The following DIP2B variants were observed in gnomAD, a reference collection of about 807,000 sequenced individuals.
The protein encoded by DIP2B is DIP2 acetate--CoA ligase B (putative), also known as disco-interacting protein 2 homolog B.
A neutral mutation model predicts 198.0 loss-of-function variants in DIP2B; 76 were observed. The ratio of observed to expected loss-of-function variants is 0.38; its 90% CI spans 0.32 to 0.46. The LOEUF is 0.46. DIP2B is among the 20% of genes least tolerant of loss of function. The pLI is 0.99. For missense variants in DIP2B, 1,559 were observed against 1,978.4 expected, an observed-to-expected ratio of 0.79 and a Z score of 4.02; for synonymous variants, 701 against 739.1, an observed-to-expected ratio of 0.95 and a Z score of 0.84.
At chr12:50,604,186 A>G (rs1196674914) in intron 1 of DIP2B, among the ~76,000 whole-genome samples, 1 of 152,028 alleles carries the variant, frequency 6.6e-6, no homozygotes, top group Non-Finnish European at 1.5e-5. Flanking sequence ...TTTACTCTGA[A>G]TCCTTTAAAT....
intron 1 of DIP2B, among the ~76,000 whole-genome samples, chr12:50,571,233 ACGAT>A (rs1025750923): frequency 9.0e-5 from 13 of 144,208 alleles, no homozygotes; most frequent in African/African-American, 3.4e-4. Flanking sequence ...GTGCTGTGGC[ACGAT>A]CTCGGTTCAC....
intron 5 of DIP2B, 94 bp from the exon 6 acceptor site, chr12:50,674,380 A>G: frequency 1.5e-6 from 2 of 1,374,172 alleles, no homozygotes; most frequent in Non-Finnish European, 2.0e-6. Context: ...CCATTTATGT[A>G]CTTTTCTTCC....
At chr12:50,522,419 C>T (rs1366728271) in intron 1 of DIP2B, among the ~76,000 whole-genome samples, 1 of 152,156 alleles carries the variant, frequency 6.6e-6, no homozygotes, top group African/African-American at 2.4e-5. Flanking sequence ...GGGTACAAGA[C>T]GGGAACCAGC....
intron 1 of DIP2B, among the ~76,000 whole-genome samples, chr12:50,555,739 C>A (rs1327324832): frequency 6.6e-6 from 1 of 152,018 alleles, no homozygotes; most frequent in African/African-American, 2.4e-5. Context: ...TGTTTCCTTT[C>A]ACCCCATGCT....
intron 1 of DIP2B, among the ~76,000 whole-genome samples, chr12:50,549,347 G>A (rs911687213): frequency 2.0e-5 from 3 of 152,032 alleles, no homozygotes; most frequent in African/African-American, 7.2e-5. Context: ...TGACTAACAC[G>A]GTGAAACCCT....
chr12:50,718,378 A>T (rs1939772967), intron 23 of DIP2B, among the ~76,000 whole-genome samples: 1 of 152,202 alleles, frequency 6.6e-6, no homozygotes, highest in African/African-American at 2.4e-5. Flanking sequence ...TCACCTCCTC[A>T]GAGTGAAAAA....
At chr12:50,579,580 C>G (rs2139417322) in intron 1 of DIP2B, among the ~76,000 whole-genome samples, 1 of 130,260 alleles carries the variant, frequency 7.7e-6, no homozygotes, top group Admixed American at 8.5e-5. Context: ...GCACTGTACT[C>G]CAGCCTGGGT....
intron 37 of DIP2B, chr12:50,743,462 G>A (rs1280844544): frequency 6.6e-6 from 1 of 152,214 alleles, no homozygotes; most frequent in East Asian, 1.9e-4. Flanking sequence ...TCGGTGGAAA[G>A]TGGCTTATGG....
At chr12:50,713,714 T>G (rs1333252665) in intron 22 of DIP2B, among the ~76,000 whole-genome samples, 1 of 152,210 alleles carries the variant, frequency 6.6e-6, no homozygotes, top group Non-Finnish European at 1.5e-5. Flanking sequence ...TAGGCTTTGT[T>G]GGCTGATAGC....
At chr12:50,704,004 CTAAA>C (rs779644879) in intron 19 of DIP2B, 132 bp from the exon 20 acceptor site, 9 of 619,128 alleles carry the variant, frequency 1.5e-5, no homozygotes, top group Non-Finnish European at 1.9e-5. Flanking sequence ...TTTCTTATCT[CTAAA>C]GGGATGGAAT....
intron 21 of DIP2B, among the ~76,000 whole-genome samples, chr12:50,707,759 G>C (rs1317625290): frequency 1.3e-5 from 2 of 152,012 alleles, no homozygotes; most frequent in Non-Finnish European, 2.9e-5. Flanking sequence ...GAGGTGTCCT[G>C]GGAGTGCCTC....
chr12:50,539,485 GCAGGCGCCTGTAATCC>G (rs1958300241), intron 1 of DIP2B, among the ~76,000 whole-genome samples: 1 of 151,940 alleles, frequency 6.6e-6, no homozygotes, highest in Admixed American at 6.6e-5. Context: ...GAGCGTAGTG[GCAGGCGCCTGTAATCC>G]CAGCTACTCA....
At chr12:50,742,394 CAAAAAAAAAAAAAAA>C (rs59566626) in intron 37 of DIP2B, among the ~76,000 whole-genome samples, 1 of 47,494 alleles carries the variant, frequency 2.1e-5, no homozygotes, top group African/African-American at 1.1e-4. Context: ...GAGACTGTCT[CAAAAAAAAAAAAAAA>C]AAAAAAAAAA....
At chr12:50,554,601 C>T (rs547644169) in intron 1 of DIP2B, among the ~76,000 whole-genome samples, 2 of 152,024 alleles carry the variant, frequency 1.3e-5, no homozygotes, top group Non-Finnish European at 2.9e-5. Flanking sequence ...TCACTGGGTG[C>T]GTGGCATGGC....
intron 3 of DIP2B, among the ~76,000 whole-genome samples, chr12:50,641,925 GTCT>G (rs1362238769): frequency 6.6e-6 from 1 of 152,084 alleles, no homozygotes; most frequent in East Asian, 1.9e-4. Context: ...TCAGATTTTT[GTCT>G]TCTTTGTACT....
chr12:50,571,008 G>A (rs937143268), intron 1 of DIP2B, among the ~76,000 whole-genome samples: 1 of 152,030 alleles, frequency 6.6e-6, no homozygotes, highest in Non-Finnish European at 1.5e-5. Flanking sequence ...GTCTAATCAA[G>A]AACCAATTTG....
At chr12:50,560,750 CAAAAA>C (rs768843010) in intron 1 of DIP2B, among the ~76,000 whole-genome samples, 1 of 149,416 alleles carries the variant, frequency 6.7e-6, no homozygotes, top group South Asian at 2.1e-4. Flanking sequence ...GACCCTGTCT[CAAAAA>C]AAAATAAATA....
chr12:50,533,761 A>T (rs945670651), intron 1 of DIP2B, among the ~76,000 whole-genome samples: 1 of 151,894 alleles, frequency 6.6e-6, no homozygotes, highest in Non-Finnish European at 1.5e-5. Flanking sequence ...GCTAATTTTT[A>T]AATTTTTTTA....
At position 50,684,929 on chromosome 12, in the gene DIP2B, TA is replaced by T. The variant is rs11288496; in HGVS notation, c.1318-899del. ...CAACATGACGAAACCCTGTCTCTAC[TA>T]AAAATACAAAAATTAGCCAGGCATG... On this transcript the variant is annotated intron_variant, in intron 10 of 37. Transcript: ENST00000301180. 7.1e-3 allele frequency among the ~76,000 whole-genome samples: 1,077 copies of T among 152,054 alleles called. 16 individuals carry two copies. The highest frequency in any genetic ancestry group is 0.025 in the African/African-American group (1,038 of 41,486).
Sources: allele counts gnomAD v4.1 joint callset (sites outside exome capture counted in the v4.1 genomes callset), GRCh38; gene constraint gnomAD v4.1.1; transcripts MANE v1.5; gene names NCBI Gene and HGNC (gene_info 2026-07-23, HGNC 2026-07-21).